HOMEZ: variants seen among roughly 807,000 people sequenced by gnomAD.
HOMEZ encodes homeobox and leucine zipper encoding.
Under a neutral mutation model 50.1 loss-of-function variants are expected in HOMEZ, and 20 were observed. The observed-to-expected ratio is 0.40, with a 90% confidence interval of 0.28 to 0.58. HOMEZ has a LOEUF of 0.58. Among genes scored for constraint, HOMEZ ranks in the 20% least tolerant of loss-of-function variants. The pLI, the probability that HOMEZ is intolerant of heterozygous loss-of-function variation, is 0.46. For synonymous variants in HOMEZ, 239 were observed against 254.7 expected, an observed-to-expected ratio of 0.94 and a Z score of 0.59; for missense variants, 579 against 680.5, an observed-to-expected ratio of 0.85 and a Z score of 1.66.
rs552783154 is a variant in HOMEZ, at chr14:23,272,992, T to C, written c.*2583A>G. 106 of 659,232 alleles carry C rather than the reference T, an allele frequency of 1.6e-4. No individual in the cohort carries two copies. The African/African-American group carries it at 1.8e-3, about 11-fold the overall frequency. 40.8% of individuals were successfully genotyped at this position (659,232 alleles called of 1,614,324 possible). On this transcript the variant is annotated 3_prime_UTR_variant, in exon 2 of 2. Transcript: ENST00000357460. The stretch of plus-strand genomic sequence containing the variant: ...CCCTGGAAAATGTATCCCTGCATTG[T>C]TTCCTAGTTTCACTCTGTACCTTAT...
Position 23,276,289 on chromosome 14 carries a change from T to A in HOMEZ, c.939A>T (p.Pro313=), listed in dbSNP as rs1434391167. The A allele has an allele frequency of 2.5e-6, 4 of 1,613,630 alleles. No individual in the cohort carries two copies. The highest frequency in any genetic ancestry group is 2.5e-6 in the Non-Finnish European group (3 of 1,179,824). ...CCTGTTCACTGGGTGACACTGACTGTGGGACACAGCCTAGTGGCTGGAGGG... is the reference window on the plus strand; with the variant it reads ...CCTGTTCACTGGGTGACACTGACTGAGGGACACAGCCTAGTGGCTGGAGGG... ...SKPLQPLGCV[P]QSVSPSEQAL... is the part of the protein sequence containing the mutation. The change falls in exon 2 of 2, where the codon CCA becomes CCT. Residue 313 remains proline (P), a synonymous_variant. Coordinates refer to ENST00000357460, the MANE Select transcript of HOMEZ (RefSeq NM_020834.3). This position sits in a 1 kb window ranked among gnomAD's most constrained non-coding sequence, Gnocchi z 4.1.
intron 1 of HOMEZ, among the ~76,000 whole-genome samples, chr14:23,281,329 G>T (rs545959173): frequency 2.0e-5 from 3 of 152,208 alleles, no homozygotes; most frequent in African/African-American, 7.2e-5. Flanking sequence ...CCCTTAAGAG[G>T]GTCAATGGAG....
intron 1 of HOMEZ, among the ~76,000 whole-genome samples, chr14:23,282,866 C>T (rs143099774): frequency 2.5e-4 from 38 of 152,330 alleles, no homozygotes; most frequent in Admixed American, 2.0e-4. Context: ...TTACACAAAA[C>T]ACCAGTTATG....
In HOMEZ at chr14:23,272,548, T is replaced by C. The variant is rs1886185134; in HGVS notation, c.*3027A>G. On this transcript the variant is annotated 3_prime_UTR_variant, in exon 2 of 2. Transcript: ENST00000357460. ...CCCTGGTAGTCATCTCTGGGTGTGG[T>C]AGTCATATGTCCCAGATTTTCCAAA... The C allele has an allele frequency of 2.3e-6, 1 of 430,530 alleles. No individual in the cohort carries two copies. The highest frequency in any genetic ancestry group is 4.0e-5 in the Admixed American group (1 of 24,902). 26.7% of individuals were successfully genotyped at this position (430,530 alleles called of 1,614,324 possible).
chr14:23,279,205 G>C (rs1886433859), intron 1 of HOMEZ, among the ~76,000 whole-genome samples: 1 of 152,028 alleles, frequency 6.6e-6, no homozygotes. Flanking sequence ...TAAAGTTTCG[G>C]TGCCACAAAA....
rs1566446114 is a variant in HOMEZ at position 23,272,828 on chromosome 14, C to T, written c.*2747G>A. 1 of 1,548,174 alleles carries T rather than the reference C, an allele frequency of 6.5e-7. No homozygotes were observed. ...CTTCTTGTCCTCTGCTGCAGACTCT[C>T]TACCAACAACGGAGGCATATGGGAT... is the stretch of plus-strand genomic sequence containing the variant. On this transcript the variant is annotated 3_prime_UTR_variant, in exon 2 of 2. Coordinates refer to ENST00000357460, the MANE Select transcript of HOMEZ (RefSeq NM_020834.3).
intron 1 of HOMEZ, among the ~76,000 whole-genome samples, chr14:23,280,140 T>C (rs988949049): frequency 6.6e-6 from 1 of 152,110 alleles, no homozygotes; most frequent in Non-Finnish European, 1.5e-5. Context: ...AGCCCAAACC[T>C]GATAGCTTTA....
rs776204768 is a variant in HOMEZ at position 23,276,855 on chromosome 14, G to A, written c.373C>T (p.Arg125Ter). 3.1e-6 allele frequency: 5 copies of A among 1,614,022 alleles called. No individual in the cohort carries two copies. Among genetic ancestry groups the A allele is most frequent in the South Asian group, 1.1e-5 (1 of 91,086 alleles). Residue 125 changes from arginine (R) to a stop codon, truncating the protein, a stop_gained, in exon 2 of 2, where the codon CGA becomes TGA. Coordinates refer to ENST00000357460, the MANE Select transcript of HOMEZ (RefSeq NM_020834.3). LOFTEE classifies it high-confidence loss of function. This position sits in a 1 kb window ranked among gnomAD's most constrained non-coding sequence, Gnocchi z 4.1. ...AGTTGGTCCCGACGGTAGACTACTC[G>A]GGCTCGAGTCTCTTCTATTTCTTCA... ...SSEEIEETRA[R>*]VVYRRDQLHF...
intron 1 of HOMEZ, among the ~76,000 whole-genome samples, chr14:23,280,814 G>A (rs932091256): frequency 2.0e-4 from 24 of 121,340 alleles, no homozygotes; most frequent in Non-Finnish European, 2.8e-4. Context: ...TTGCTCTGTC[G>A]CCAGGCTGGA....
Position 23,275,508 on chromosome 14 carries a change from T to C in HOMEZ, c.*67A>G. 1 of 1,465,726 alleles carries C rather than the reference T, an allele frequency of 6.8e-7. No individual in the cohort carries two copies. The highest frequency in any genetic ancestry group is 9.0e-7 in the Non-Finnish European group (1 of 1,108,162). The allele number at this position is 1,465,726 out of a possible 1,614,324, so 90.8% of individuals were successfully genotyped here. On this transcript the variant is annotated 3_prime_UTR_variant, in exon 2 of 2. Coordinates refer to ENST00000357460, the MANE Select transcript of HOMEZ (RefSeq NM_020834.3). Reference sequence around the variant, plus strand: ...AAGGTAATTTTAAAAATGTGGTTTCTTTGTTTAAACAGTTACTAAGTTGGT... The same window carrying C: ...AAGGTAATTTTAAAAATGTGGTTTCCTTGTTTAAACAGTTACTAAGTTGGT...
At chr14:23,277,550 T>C (rs1449719453) in intron 1 of HOMEZ, among the ~76,000 whole-genome samples, 1 of 152,092 alleles carries the variant, frequency 6.6e-6, no homozygotes, top group Non-Finnish European at 1.5e-5. Context: ...GCCCAGAGCT[T>C]TGATACCAGC....
chr14:23,284,345 T>C (rs1886617258), intron 1 of HOMEZ, among the ~76,000 whole-genome samples: 1 of 152,142 alleles, frequency 6.6e-6, no homozygotes, highest in Admixed American at 6.5e-5. Context: ...GTGATATTAG[T>C]TGGAAAGAGT....
At position 23,276,872 on chromosome 14, in the gene HOMEZ, A is replaced by G. The variant is rs1886376777; in HGVS notation, c.356T>C (p.Ile119Thr). 3 of 1,614,040 alleles carry G rather than the reference A, an allele frequency of 1.9e-6. No individual in the cohort carries two copies. The highest frequency in any genetic ancestry group is 2.5e-6 in the Non-Finnish European group (3 of 1,179,898). ...GACTACTCGGGCTCGAGTCTCTTCT[A>G]TTTCTTCAGATGACCAGCTAATACC... The part of the protein sequence containing the change: ...RCGISWSSEE[I>T]EETRARVVYR... The change falls in exon 2 of 2, where the codon ATA becomes ACA. Residue 119 changes from isoleucine to threonine, a missense_variant. Coordinates refer to ENST00000357460, the MANE Select transcript of HOMEZ (RefSeq NM_020834.3). This position sits in a 1 kb window ranked among gnomAD's most constrained non-coding sequence, Gnocchi z 4.1.
In HOMEZ at chr14:23,276,006, G is replaced by A. The variant is rs1469894149; in HGVS notation, c.1222C>T (p.Arg408Cys). Reference sequence around the variant, plus strand: ...AGTTGCCCATGCTTCAAGGCATAGCGTGTGTCACCAAACCACTGAATGATC... The same window carrying A: ...AGTTGCCCATGCTTCAAGGCATAGCATGTGTCACCAAACCACTGAATGATC... Reference protein sequence around the residue: ...PEIIQWFGDTRYALKHGQLKW... With the variant: ...PEIIQWFGDTCYALKHGQLKW... The change falls in exon 2 of 2, where the codon CGC (arginine) becomes TGC (cysteine). Residue 408 changes from arginine to cysteine, a missense_variant. Physicochemically the swap from Arg to Cys is radical, Grantham distance 180 (BLOSUM62 -3). Coordinates refer to ENST00000357460, the MANE Select transcript of HOMEZ (RefSeq NM_020834.3). This position sits in a 1 kb window ranked among gnomAD's most constrained non-coding sequence, Gnocchi z 4.1. 2 of 1,613,426 alleles carry A rather than the reference G, an allele frequency of 1.2e-6. No homozygotes were observed. The highest frequency in any genetic ancestry group is 1.7e-5 in the Admixed American group (1 of 59,918).
chr14:23,280,060 C>T (rs1301399217), intron 1 of HOMEZ, among the ~76,000 whole-genome samples: 1 of 151,866 alleles, frequency 6.6e-6, no homozygotes, highest in Non-Finnish European at 1.5e-5. Flanking sequence ...CTGCCCAGCC[C>T]CCCTTTTTTC....
intron 1 of HOMEZ, among the ~76,000 whole-genome samples, chr14:23,281,945 G>A (rs557897568): frequency 3.9e-5 from 6 of 152,108 alleles, no homozygotes; most frequent in Non-Finnish European, 7.4e-5. Flanking sequence ...AGTGAGTCGA[G>A]ATTGTGCACT....
intron 1 of HOMEZ, among the ~76,000 whole-genome samples, chr14:23,278,739 G>C (rs1341069108): frequency 1.3e-5 from 2 of 152,154 alleles, no homozygotes; most frequent in Non-Finnish European, 2.9e-5. Flanking sequence ...AGAGTGGCAT[G>C]ATCTCAGCTT....
chr14:23,275,493 T>A lies in HOMEZ; in HGVS notation c.*82A>T. ...TTAGTTCTCTGCCACAAGGTAATTT[T>A]AAAAATGTGGTTTCTTTGTTTAAAC... On this transcript the variant is annotated 3_prime_UTR_variant, in exon 2 of 2. Coordinates refer to ENST00000357460, the MANE Select transcript of HOMEZ (RefSeq NM_020834.3). The A allele has an allele frequency of 2.7e-6, 4 of 1,461,004 alleles. No individual in the cohort carries two copies. The South Asian group carries it at 5.9e-5, about 21-fold the overall frequency. The allele number at this position is 1,461,004 out of a possible 1,614,324, so 90.5% of individuals were successfully genotyped here.
At chr14:23,280,790 T>C (rs990096630) in intron 1 of HOMEZ, among the ~76,000 whole-genome samples, 4 of 146,708 alleles carry the variant, frequency 2.7e-5, no homozygotes, top group African/African-American at 7.5e-5. Context: ...TTTATTTTAT[T>C]TGGAGACGGA....
Sources: allele counts gnomAD v4.1 joint callset (sites outside exome capture counted in the v4.1 genomes callset), GRCh38; gene constraint gnomAD v4.1.1; non-coding constraint Gnocchi (gnomAD v3.1); transcripts MANE v1.5; gene names NCBI Gene and HGNC (gene_info 2026-07-23, HGNC 2026-07-21).